The following SMCO4 variants were observed in gnomAD, a reference collection of about 807,000 sequenced individuals.
The protein encoded by SMCO4 is single-pass membrane protein with coiled-coil domains 4.
SMCO4 carries 4 observed loss-of-function variants against 3.6 expected under a neutral mutation model. That is an observed-to-expected ratio of 1.11 (90% confidence interval 0.54 to 2.53). The LOEUF is 2.53. Among genes scored for constraint, SMCO4 ranks in the 30% most tolerant of loss-of-function variants. SMCO4 has a pLI of 0.02. For missense variants in SMCO4, 70 were observed against 80.8 expected, an observed-to-expected ratio of 0.87 and a Z score of 0.51; for synonymous variants, 36 against 35.3, an observed-to-expected ratio of 1.02 and a Z score of -0.07.
intron 1 of SMCO4, among the ~76,000 whole-genome samples, chr11:93,516,553 G>A (rs992505890): frequency 6.6e-6 from 1 of 152,202 alleles, no homozygotes; most frequent in Non-Finnish European, 1.5e-5. Context: ...ACTTTGGGAG[G>A]CCAAGGCGGG....
At chr11:93,521,850 T>C (rs1949060700) in intron 1 of SMCO4, among the ~76,000 whole-genome samples, 1 of 152,172 alleles carries the variant, frequency 6.6e-6, no homozygotes, top group Non-Finnish European at 1.5e-5. Flanking sequence ...ATCTAGCCAA[T>C]ACCAATCGAA....
chr11:93,504,704 C>A (rs563673702), intron 1 of SMCO4, among the ~76,000 whole-genome samples: 1 of 152,284 alleles, frequency 6.6e-6, no homozygotes, highest in African/African-American at 2.4e-5. Context: ...CAACATCATG[C>A]CCTTTGATTA....
chr11:93,537,771 G>A (rs1278356431), intron 1 of SMCO4: 2 of 151,780 alleles, frequency 1.3e-5, no homozygotes, highest in African/African-American at 4.8e-5. Flanking sequence ...AACAAGAAGA[G>A]GTTCCCTCTT....
chr11:93,495,298 C>T (rs959195339), intron 2 of SMCO4, among the ~76,000 whole-genome samples: 1 of 151,992 alleles, frequency 6.6e-6, no homozygotes, highest in Non-Finnish European at 1.5e-5. Context: ...TTTGCTGTAA[C>T]TCATCAGGCC....
At chr11:93,482,973 C>T (rs1448690678) in intron 2 of SMCO4, among the ~76,000 whole-genome samples, 4 of 152,058 alleles carry the variant, frequency 2.6e-5, no homozygotes, top group African/African-American at 4.8e-5. Context: ...TGGGAGAAAA[C>T]CCTGACACTG....
intron 1 of SMCO4, among the ~76,000 whole-genome samples, chr11:93,542,330 G>C (rs547582990): frequency 6.6e-6 from 1 of 152,326 alleles, no homozygotes; most frequent in South Asian, 2.1e-4. Flanking sequence ...TAAAGAGCAA[G>C]GGAGCCTGGA....
chr11:93,510,052 C>T (rs146067783), intron 1 of SMCO4, among the ~76,000 whole-genome samples: 5 of 152,230 alleles, frequency 3.3e-5, no homozygotes, highest in East Asian at 1.9e-4. Flanking sequence ...AACAGGAGAC[C>T]GCGTCAAGTT....
chr11:93,481,897 C>T (rs554575568), intron 2 of SMCO4, among the ~76,000 whole-genome samples: 1 of 152,222 alleles, frequency 6.6e-6, no homozygotes, highest in African/African-American at 2.4e-5. Context: ...CCCTGGCTGG[C>T]TGGCTAGCAG....
chr11:93,537,158 G>C (rs1043620562), intron 1 of SMCO4, among the ~76,000 whole-genome samples: 1 of 152,202 alleles, frequency 6.6e-6, no homozygotes, highest in Non-Finnish European at 1.5e-5. Context: ...CACGGCAGAG[G>C]GAGGCCTCCA....
At chr11:93,479,561 G>T (rs1457686627) in intron 2 of SMCO4, among the ~76,000 whole-genome samples, 1 of 152,182 alleles carries the variant, frequency 6.6e-6, no homozygotes, top group Non-Finnish European at 1.5e-5. Flanking sequence ...AAAGGATTGG[G>T]AAGCACCAAC....
At chr11:93,535,573 C>T (rs569762763) in intron 1 of SMCO4, 9 of 1,512,304 alleles carry the variant, frequency 6.0e-6, no homozygotes, top group South Asian at 2.3e-5. Context: ...GTATGACAGT[C>T]GAACCAAATC....
intron 1 of SMCO4, chr11:93,535,692 A>T: frequency 7.4e-6 from 12 of 1,612,960 alleles, no homozygotes; most frequent in Non-Finnish European, 1.0e-5. Context: ...GCTCCGAGGA[A>T]GTGAATAAGT....
At chr11:93,479,518 A>G (rs1948566520) in intron 2 of SMCO4, among the ~76,000 whole-genome samples, 2 of 152,170 alleles carry the variant, frequency 1.3e-5, no homozygotes, top group South Asian at 4.1e-4. Context: ...GTACCAGACA[A>G]ATAATACTGT....
chr11:93,496,073 A>G (rs756815462), intron 2 of SMCO4, among the ~76,000 whole-genome samples: 17 of 152,250 alleles, frequency 1.1e-4, no homozygotes, highest in Admixed American at 3.9e-4. Flanking sequence ...CATCAAGTGC[A>G]GGATGAGGTC....
intron 2 of SMCO4, among the ~76,000 whole-genome samples, chr11:93,487,690 T>A (rs1257764238): frequency 6.6e-6 from 1 of 152,202 alleles, no homozygotes; most frequent in Non-Finnish European, 1.5e-5. Flanking sequence ...ATTAATAAAG[T>A]GCTTTTCTGT....
At chr11:93,543,830 C>T (rs1397586422), upstream of SMCO4, among the ~76,000 whole-genome samples, 1 of 152,224 alleles carries the variant, frequency 6.6e-6, no homozygotes, top group Admixed American at 6.5e-5. Context: ...GTGAAGAGAG[C>T]AAACGAGTAG....
intron 1 of SMCO4, among the ~76,000 whole-genome samples, chr11:93,521,135 C>A (rs150403733): frequency 3.3e-5 from 5 of 152,186 alleles, no homozygotes; most frequent in Non-Finnish European, 5.9e-5. Context: ...CTCTAACTGG[C>A]AAAACCAGGA....
intron 1 of SMCO4, among the ~76,000 whole-genome samples, chr11:93,529,858 T>C (rs949899464): frequency 6.6e-6 from 1 of 152,144 alleles, no homozygotes; most frequent in African/African-American, 2.4e-5. Flanking sequence ...GGCTGAAGTG[T>C]TTTTATGACA....
intron 1 of SMCO4, among the ~76,000 whole-genome samples, chr11:93,530,223 G>T (rs1484250734): frequency 6.6e-6 from 1 of 152,190 alleles, no homozygotes; most frequent in East Asian, 1.9e-4. Flanking sequence ...AGGGGTCGTG[G>T]GGGGAAGAGC....
Sources: gnomAD v4.1 joint callset for allele counts (sites outside exome capture counted in the v4.1 genomes callset) on GRCh38, gnomAD v4.1.1 for gene constraint, MANE v1.5 for transcripts, NCBI Gene and HGNC (gene_info 2026-07-23, HGNC 2026-07-21) for gene names.